SLC8A2: variants seen among roughly 807,000 people sequenced by gnomAD.
SLC8A2 encodes the protein solute carrier family 8 member A2, also known as sodium/calcium exchanger 2.
A neutral mutation model predicts 70.2 loss-of-function variants in SLC8A2; 14 were observed. The ratio of observed to expected loss-of-function variants is 0.20; its 90% CI spans 0.13 to 0.31. SLC8A2 has a LOEUF of 0.31. SLC8A2 is among the 10% of genes least tolerant of loss of function. The pLI is 1.00. For synonymous variants in SLC8A2, 575 were observed against 594.3 expected (o/e 0.97, Z 0.47); for missense variants, 779 against 1,320.1 (o/e 0.59, Z 6.35).
chr19:47,467,838 A>C (rs1397731430), intron 1 of SLC8A2, among the ~76,000 whole-genome samples: 1 of 133,918 alleles, frequency 7.5e-6, no homozygotes, highest in Non-Finnish European at 1.6e-5. Flanking sequence ...TAAAAATACA[A>C]AAAAAAAAAA....
At chr19:47,462,411 T>G (rs1967406789) in intron 2 of SLC8A2, among the ~76,000 whole-genome samples, 1 of 148,794 alleles carries the variant, frequency 6.7e-6, no homozygotes, top group Non-Finnish European at 1.5e-5. Context: ...ATTACAGGCA[T>G]GCACCACCAC....
rs533495437 is a variant in SLC8A2 at position 47,430,533 on chromosome 19, G to C, written c.2390-68C>G. The C allele has an allele frequency of 1.4e-6, 2 of 1,455,520 alleles. No individual in the cohort carries two copies. Among genetic ancestry groups the C allele is most frequent in the Admixed American group, 2.3e-5 (1 of 43,166 alleles). 90.2% of individuals were successfully genotyped at this position (1,455,520 alleles called of 1,614,324 possible). A position where few individuals can be genotyped will look rare whatever the true frequency, so the allele number is the denominator to read the frequency against. On this transcript the variant is annotated intron_variant, in intron 9 of 9. Coordinates refer to ENST00000236877, the MANE Select transcript of SLC8A2 (RefSeq NM_015063.3). This position sits in a 1 kb window ranked among gnomAD's most constrained non-coding sequence, Gnocchi z 5.9. ...CACCCACAGGGGCGGGCATCCGCCT[G>C]CCCCCTCCCAGCCTTTCCCGGTCGC... is the stretch of plus-strand genomic sequence containing the variant.
At chr19:47,445,064 C>T (rs901051943) in intron 4 of SLC8A2, among the ~76,000 whole-genome samples, 1 of 151,478 alleles carries the variant, frequency 6.6e-6, no homozygotes, top group Admixed American at 6.6e-5. Context: ...CCACCTCTCT[C>T]CCTCCCTCAA....
At chr19:47,441,091 C>A in intron 6 of SLC8A2, 78 bp downstream of exon 6, 1 of 1,402,078 alleles carries the variant, frequency 7.1e-7, no homozygotes, top group Non-Finnish European at 1.0e-6. Flanking sequence ...GGAAGAGTAG[C>A]TTTGGGGCTG....
Position 47,430,598 on chromosome 19 carries a change from C to T in SLC8A2, c.2390-133G>A, listed in dbSNP as rs1343823153. On this transcript the variant is annotated intron_variant, in intron 9 of 9. Transcript: ENST00000236877. The surrounding 1 kb of genome is among the most constrained non-coding windows in gnomAD (Gnocchi z 5.9). ...CAGTGTGGGCTCAAGACCCCTGACC[C>T]CCACCCAAGAGGCAAAGTCCATCAC... is the stretch of plus-strand genomic sequence containing the variant. 1.0e-6 allele frequency: 1 copy of T among 982,268 alleles called. No individual in the cohort carries two copies. The highest frequency in any genetic ancestry group is 1.5e-6 in the Non-Finnish European group (1 of 686,944). The allele number at this position is 982,268 out of a possible 1,614,324, so 60.8% of individuals were successfully genotyped here.
rs911937939 is a variant in SLC8A2 at position 47,468,855 on chromosome 19, C to G, written c.-16-2436G>C. ...CCCACCCTCATGTTGCCATGGTAACCCAGTGGCTTATCAAAAAGAGAAGGA... is the reference window on the plus strand; with the variant it reads ...CCCACCCTCATGTTGCCATGGTAACGCAGTGGCTTATCAAAAAGAGAAGGA... On this transcript the variant is annotated intron_variant, in intron 1 of 9. Coordinates refer to ENST00000236877, the MANE Select transcript of SLC8A2 (RefSeq NM_015063.3). The surrounding 1 kb of genome is among the most constrained non-coding windows in gnomAD (Gnocchi z 5.1). 2.0e-5 allele frequency among the ~76,000 whole-genome samples: 3 copies of G among 152,000 alleles called. No individual in the cohort carries two copies. Among genetic ancestry groups the G allele is most frequent in the Admixed American group, 6.6e-5 (1 of 15,252 alleles).
At chr19:47,471,342 C>T (rs1210358666) in intron 1 of SLC8A2, among the ~76,000 whole-genome samples, 2 of 151,802 alleles carry the variant, frequency 1.3e-5, no homozygotes, top group African/African-American at 2.4e-5. Flanking sequence ...GAACAGACCC[C>T]GGCACAGAGA....
At chr19:47,471,239 G>A (rs551777954) in intron 1 of SLC8A2, among the ~76,000 whole-genome samples, 1 of 151,690 alleles carries the variant, frequency 6.6e-6, no homozygotes, top group Non-Finnish European at 1.5e-5. Context: ...AAGGGAGAGA[G>A]GCAGAGACAC....
At chr19:47,461,040 AT>A (rs972675958) in intron 2 of SLC8A2, among the ~76,000 whole-genome samples, 5 of 151,754 alleles carry the variant, frequency 3.3e-5, no homozygotes, top group Admixed American at 1.3e-4. Flanking sequence ...AAATACAAAA[AT>A]TAGCTGGGCG....
chr19:47,444,328 CA>C (rs1967133266), intron 4 of SLC8A2, among the ~76,000 whole-genome samples: 1 of 152,200 alleles, frequency 6.6e-6, no homozygotes, highest in Non-Finnish European at 1.5e-5. Context: ...TCTCAACACA[CA>C]AACACGCACA....
At chr19:47,463,323 C>T (rs1171954346) in intron 2 of SLC8A2, among the ~76,000 whole-genome samples, 1 of 150,008 alleles carries the variant, frequency 6.7e-6, no homozygotes, top group Non-Finnish European at 1.5e-5. Context: ...TTAGCAGAGA[C>T]GGGGTTTCAC....
At chr19:47,449,271 G>A (rs930862091) in intron 3 of SLC8A2, among the ~76,000 whole-genome samples, 3 of 152,132 alleles carry the variant, frequency 2.0e-5, no homozygotes, top group Admixed American at 6.5e-5. Context: ...GAGACCTGAA[G>A]GAGGGGAGGG....
chr19:47,457,371 G>A lies in SLC8A2; in HGVS notation c.899C>T (p.Pro300Leu). Reference sequence around the variant, plus strand: ...CAGCTCGCGCGCCTCGGCGGGGCCCGGGCCCAGGCCGCCCAGCTCACCTGG... The same window carrying A: ...CAGCTCGCGCGCCTCGGCGGGGCCCAGGCCCAGGCCGCCCAGCTCACCTGG... The part of the protein sequence containing the change: ...EAPGELGGLG[P>L]GPAEARELDA... Residue 300 changes from proline (P) to leucine (L), a missense_variant, in exon 3 of 10, where the codon CCG becomes CTG. This residue lies in a region of SLC8A2 where 186 missense variants were observed against 246.6 expected (regional missense o/e 0.75). Coordinates refer to ENST00000236877, the MANE Select transcript of SLC8A2 (RefSeq NM_015063.3). The A allele has an allele frequency of 6.5e-7, 1 of 1,545,102 alleles. No individual in the cohort carries two copies. Among genetic ancestry groups the A allele is most frequent in the Non-Finnish European group, 8.7e-7 (1 of 1,146,038 alleles).
Position 47,469,214 on chromosome 19 carries a change from A to G in SLC8A2, c.-17+2575T>C, listed in dbSNP as rs540496884. Among the ~76,000 whole-genome samples the G allele has an allele frequency of 1.4e-4, 21 of 152,058 alleles. No homozygotes were observed. The South Asian group carries it at 4.4e-3, about 32-fold the overall frequency. ...GGGCCACCGCACAATTAGCCCCCTC[A>G]GCAAGGCCCCTAATGATACGTCTAA... On this transcript the variant is annotated intron_variant, in intron 1 of 9. Transcript: ENST00000236877.
At position 47,428,914 on chromosome 19, in the gene SLC8A2, CAGTA is replaced by C. The variant is rs1178310632; in HGVS notation, c.*1171_*1174del. 3.9e-5 allele frequency: 6 copies of C among 152,422 alleles called. No individual in the cohort carries two copies. Among genetic ancestry groups the C allele is most frequent in the African/African-American group, 1.2e-4 (5 of 41,362 alleles). 9.4% of individuals were successfully genotyped at this position (152,422 alleles called of 1,614,324 possible). A position where few individuals can be genotyped will look rare whatever the true frequency, so the allele number is the denominator to read the frequency against. The stretch of plus-strand genomic sequence containing the variant: ...GTGTCCTTTGGGCAGGAAACATCAA[CAGTA>C]AGAAAATGCAGATGGCCTACCGACA... On this transcript the variant is annotated 3_prime_UTR_variant, in exon 10 of 10. Coordinates refer to ENST00000236877, the MANE Select transcript of SLC8A2 (RefSeq NM_015063.3).
In SLC8A2 at chr19:47,457,396, G is replaced by T; in HGVS notation, c.874C>A (p.Pro292Thr). Residue 292 changes from proline (P) to threonine (T), a missense_variant, in exon 3 of 10, where the codon CCA (proline) becomes ACA (threonine). Around this residue, in one of 6 missense-constraint regions of SLC8A2, gnomAD observed 186 missense variants for 246.6 expected, o/e 0.75. Coordinates refer to ENST00000236877, the MANE Select transcript of SLC8A2 (RefSeq NM_015063.3). ...LDGTFVGAEAPGELGGLGPGP... is the reference protein window; with the variant it reads ...LDGTFVGAEATGELGGLGPGP... ...GGGCCCAGGCCGCCCAGCTCACCTGGGGCCTCGGCGCCCACGAACGTGCCG... is the reference window on the plus strand; with the variant it reads ...GGGCCCAGGCCGCCCAGCTCACCTGTGGCCTCGGCGCCCACGAACGTGCCG... 6.4e-7 allele frequency: 1 copy of T among 1,563,828 alleles called. No individual in the cohort carries two copies. Among genetic ancestry groups the T allele is most frequent in the East Asian group, 2.4e-5 (1 of 41,880 alleles).
intron 8 of SLC8A2, among the ~76,000 whole-genome samples, chr19:47,437,223 C>T (rs766444647): frequency 6.6e-6 from 1 of 151,706 alleles, no homozygotes; most frequent in Admixed American, 6.6e-5. Flanking sequence ...TTAGAGACAG[C>T]GTCTTGCTCT....
Position 47,430,128 on chromosome 19 carries a change from G to A in SLC8A2, c.2727C>T (p.Phe909=), listed in dbSNP as rs775904402. 8 of 1,592,308 alleles carry A rather than the reference G, an allele frequency of 5.0e-6. No homozygotes were observed. Among genetic ancestry groups the A allele is most frequent in the Admixed American group, 1.8e-5 (1 of 56,898 alleles). ...TGTGGCAGTACGCCTCCAGGCTGGC[G>A]AAGAGGATGTACAGGAGCCAGAGGC... The part of the protein sequence containing the change: ...FLGLWLLYIL[F]ASLEAYCHIR... Residue 909 remains phenylalanine (F), a synonymous_variant, in exon 10 of 10, where the codon TTC becomes TTT. Coordinates refer to ENST00000236877, the MANE Select transcript of SLC8A2 (RefSeq NM_015063.3). This position sits in a 1 kb window ranked among gnomAD's most constrained non-coding sequence, Gnocchi z 5.9.
chr19:47,437,734 C>T (rs1000919405), intron 7 of SLC8A2, 115 bp downstream of exon 7: 15 of 1,324,192 alleles, frequency 1.1e-5, no homozygotes, highest in African/African-American at 7.2e-5. Flanking sequence ...GTGGTCCTGA[C>T]GTGGGACCCT....
Sources: gnomAD v4.1 joint callset for allele counts (sites outside exome capture counted in the v4.1 genomes callset) on GRCh38, gnomAD v4.1.1 for gene constraint, gnomAD v4.1.1 regional missense constraint, Gnocchi (gnomAD v3.1) non-coding constraint, MANE v1.5 for transcripts, NCBI Gene and HGNC (gene_info 2026-07-23, HGNC 2026-07-21) for gene names.